The following SPATA6 variants were observed in gnomAD, a reference collection of about 807,000 sequenced individuals.
SPATA6 encodes the protein spermatogenesis associated 6.
A neutral mutation model predicts 65.3 loss-of-function variants in SPATA6; 56 were observed. The observed-to-expected ratio is 0.86, with a 90% CI of 0.69 to 1.07. SPATA6 has a LOEUF of 1.07. Ranked by LOEUF, SPATA6 falls within the 50% of genes least tolerant of loss-of-function variation. The pLI is 0.00. For missense variants in SPATA6, 590 were observed against 594.8 expected, an observed-to-expected ratio of 0.99 and a Z score of 0.08; for synonymous variants, 199 against 213.2, an observed-to-expected ratio of 0.93 and a Z score of 0.58.
At chr1:48,331,023 C>T (rs545080104) in intron 11 of SPATA6, among the ~76,000 whole-genome samples, 1 of 152,254 alleles carries the variant, frequency 6.6e-6, no homozygotes, top group South Asian at 2.1e-4. Flanking sequence ...ACCAAACCCA[C>T]CTTATACCAT....
At chr1:48,346,570 A>C (rs1351009329) in intron 11 of SPATA6, among the ~76,000 whole-genome samples, 6 of 152,062 alleles carry the variant, frequency 3.9e-5, no homozygotes, top group Admixed American at 3.3e-4. Context: ...AAAACCCCAT[A>C]ATCTCAGCCC....
intron 9 of SPATA6, among the ~76,000 whole-genome samples, chr1:48,372,538 T>C (rs1570354870): frequency 6.6e-6 from 1 of 152,182 alleles, no homozygotes; most frequent in Non-Finnish European, 1.5e-5. Flanking sequence ...TGCAGGCGCA[T>C]GGTGCAAGCT....
chr1:48,368,641 T>C (rs913872850), intron 9 of SPATA6, among the ~76,000 whole-genome samples: 6 of 152,232 alleles, frequency 3.9e-5, no homozygotes, highest in Non-Finnish European at 8.8e-5. Context: ...GGCTTTCAGC[T>C]CCATTAGCTC....
chr1:48,337,045 C>G (rs577988417), intron 11 of SPATA6, among the ~76,000 whole-genome samples: 1 of 151,926 alleles, frequency 6.6e-6, no homozygotes, highest in African/African-American at 2.4e-5. Flanking sequence ...TTCCCAACCA[C>G]TATTTCCTTT....
chr1:48,445,396 G>T (rs557003634), intron 3 of SPATA6, among the ~76,000 whole-genome samples: 16 of 152,238 alleles, frequency 1.1e-4, no homozygotes, highest in East Asian at 9.7e-4. Flanking sequence ...GGGCGTGGTG[G>T]CTCACGCCTG....
chr1:48,360,709 A>T (rs996695675), intron 9 of SPATA6, among the ~76,000 whole-genome samples: 16 of 152,206 alleles, frequency 1.1e-4, no homozygotes, highest in African/African-American at 3.6e-4. Context: ...CCAGGCTATT[A>T]TATTGAGAAT....
At chr1:48,379,715 G>A (rs1182258999) in intron 9 of SPATA6, among the ~76,000 whole-genome samples, 1 of 152,106 alleles carries the variant, frequency 6.6e-6, no homozygotes, top group African/African-American at 2.4e-5. Flanking sequence ...AATCTTTGCA[G>A]TATTTGCATA....
intron 1 of SPATA6, among the ~76,000 whole-genome samples, chr1:48,462,766 G>A (rs1657544393): frequency 6.6e-6 from 1 of 152,170 alleles, no homozygotes; most frequent in Non-Finnish European, 1.5e-5. Flanking sequence ...CACTAGCTAT[G>A]ATGGTTAATT....
chr1:48,422,727 T>G (rs1399787255), intron 3 of SPATA6, among the ~76,000 whole-genome samples: 1 of 152,118 alleles, frequency 6.6e-6, no homozygotes, highest in Non-Finnish European at 1.5e-5. Flanking sequence ...TTTACAATTT[T>G]TCACATACAA....
chr1:48,367,835 C>G (rs1314284099), intron 9 of SPATA6, among the ~76,000 whole-genome samples: 1 of 152,250 alleles, frequency 6.6e-6, no homozygotes, highest in East Asian at 1.9e-4. Context: ...TTGATCCTGT[C>G]ATCTTGATGT....
At chr1:48,278,567 G>C in the SPATA6 span, among the ~76,000 whole-genome samples, 1 of 152,196 alleles carries the variant, frequency 6.6e-6, no homozygotes, top group Non-Finnish European at 1.5e-5. Context: ...TGATCAACTG[G>C]AAGAAAGGGT....
chr1:48,324,652 A>G (rs1645702619), intron 11 of SPATA6, among the ~76,000 whole-genome samples: 1 of 152,156 alleles, frequency 6.6e-6, no homozygotes, highest in Non-Finnish European at 1.5e-5. Flanking sequence ...ACCCCTTCAT[A>G]ATAAAAACTC....
the SPATA6 span, among the ~76,000 whole-genome samples, chr1:48,288,223 A>T: frequency 6.6e-6 from 1 of 152,200 alleles, no homozygotes; most frequent in Admixed American, 6.5e-5. Context: ...GAGGACTTCC[A>T]TATCTATGTT....
In SPATA6 at chr1:48,399,462, T is replaced by G. The variant is rs772099035; in HGVS notation, c.669A>C (p.Lys223Asn). Residue 223 changes from lysine (K) to asparagine (N), a missense_variant, in exon 7 of 13, where the codon AAA becomes AAC. Transcript: ENST00000371847. ...CTTCAGATAGCTCACACATGCGTCT[T>G]TTTGTGTAGGGAGATGGAGAGTGTG... is the stretch of plus-strand genomic sequence containing the variant. ...SKSHSPSPYT[K>N]RRMCELSEDT... 2 of 1,613,124 alleles carry G rather than the reference T, an allele frequency of 1.2e-6. No homozygotes were observed. The highest frequency in any genetic ancestry group is 2.7e-5 in the African/African-American group (2 of 74,824).
the SPATA6 span, among the ~76,000 whole-genome samples, chr1:48,270,190 C>T: frequency 3.3e-5 from 5 of 152,110 alleles, no homozygotes; most frequent in Non-Finnish European, 5.9e-5. Flanking sequence ...CCATACATAA[C>T]TCCGGTGCCC....
intron 11 of SPATA6, among the ~76,000 whole-genome samples, chr1:48,308,990 A>G (rs1645131886): frequency 6.6e-6 from 1 of 152,008 alleles, no homozygotes; most frequent in Non-Finnish European, 1.5e-5. Flanking sequence ...GGCTCAAGTG[A>G]TTCTCCCATT....
At chr1:48,406,411 A>T (rs1651709912) in intron 5 of SPATA6, among the ~76,000 whole-genome samples, 3 of 152,242 alleles carry the variant, frequency 2.0e-5, no homozygotes, top group Non-Finnish European at 4.4e-5. Flanking sequence ...TTAGAATAAC[A>T]TCTAGACTTG....
chr1:48,281,820 A>C, the SPATA6 span, among the ~76,000 whole-genome samples: 2 of 152,192 alleles, frequency 1.3e-5, no homozygotes, highest in African/African-American at 4.8e-5. Context: ...TCTTCATAGA[A>C]TTGGAAAAAA....
chr1:48,469,836 G>A (rs563333559), intron 1 of SPATA6, among the ~76,000 whole-genome samples: 4 of 151,456 alleles, frequency 2.6e-5, no homozygotes, highest in Admixed American at 2.0e-4. Flanking sequence ...GGCGTTGTTT[G>A]TTTGCTCCTT....
Sources: allele counts gnomAD v4.1 joint callset (sites outside exome capture counted in the v4.1 genomes callset), GRCh38; gene constraint gnomAD v4.1.1; transcripts MANE v1.5; gene names NCBI Gene and HGNC (gene_info 2026-07-23, HGNC 2026-07-21).